ARHGAP15: variants seen among roughly 807,000 people sequenced by gnomAD.
ARHGAP15 encodes rho GTPase-activating protein 15.
A neutral mutation model predicts 63.7 loss-of-function variants in ARHGAP15; 51 were observed. The ratio of observed to expected loss-of-function variants is 0.80; its 90% CI spans 0.64 to 1.01. The LOEUF (loss-of-function observed/expected upper bound fraction) is 1.01, where lower values mean the gene tolerates loss of function less well. Among genes scored for constraint, ARHGAP15 ranks in the 50% least tolerant of loss-of-function variants. The pLI is 0.00. For synonymous variants in ARHGAP15, 191 were observed against 193.8 expected, an observed-to-expected ratio of 0.99 and a Z score of 0.12; for missense variants, 560 against 564.6, an observed-to-expected ratio of 0.99 and a Z score of 0.08.
chr2:143,449,870 TTTCTC>T lies in ARHGAP15; in HGVS notation c.703+12829_703+12833del, dbSNP rs1246676107. Among the ~76,000 whole-genome samples, 6 of 152,104 alleles carry T rather than the reference TTTCTC, an allele frequency of 3.9e-5. No homozygotes were observed. In the South Asian group the frequency reaches 1.0e-3, roughly 26 times the overall value. On this transcript the variant is annotated intron_variant, in intron 8 of 13. Transcript: ENST00000295095. ...ACCAAAATGGGCAAATAATCATTCTTTTCTCAGTAAGAATCTTTCTCATAAATTTG... is the reference window on the plus strand; with the variant it reads ...ACCAAAATGGGCAAATAATCATTCTTAGTAAGAATCTTTCTCATAAATTTG...
intron 5 of ARHGAP15, among the ~76,000 whole-genome samples, chr2:143,232,695 T>C (rs1693494439): frequency 1.3e-5 from 2 of 152,140 alleles, no homozygotes; most frequent in South Asian, 4.1e-4. Context: ...CCTCTTCCCT[T>C]CTCTGGAGTT....
At chr2:143,618,863 G>C (rs1029766615) in intron 11 of ARHGAP15, among the ~76,000 whole-genome samples, 1 of 150,818 alleles carries the variant, frequency 6.6e-6, no homozygotes, top group Non-Finnish European at 1.5e-5. Flanking sequence ...ACGGAGTCTC[G>C]CTCCGTCACC....
chr2:143,705,368 TAGAA>T (rs775326623), intron 13 of ARHGAP15, among the ~76,000 whole-genome samples: 6 of 152,088 alleles, frequency 3.9e-5, no homozygotes, highest in Non-Finnish European at 8.8e-5. Context: ...TTTAAAGAAA[TAGAA>T]AGAGAGACCT....
intron 6 of ARHGAP15, among the ~76,000 whole-genome samples, chr2:143,334,412 T>C (rs769865199): frequency 1.4e-4 from 21 of 152,208 alleles, no homozygotes; most frequent in Admixed American, 3.9e-4. Context: ...AAGGTATCCA[T>C]TGTTAGATGC....
At chr2:143,294,269 C>T (rs936346622) in intron 6 of ARHGAP15, among the ~76,000 whole-genome samples, 13 of 151,990 alleles carry the variant, frequency 8.6e-5, no homozygotes, top group African/African-American at 1.7e-4. Context: ...GAAAATATTG[C>T]CACATGCATT....
intron 4 of ARHGAP15, among the ~76,000 whole-genome samples, chr2:143,220,854 C>T (rs1230854445): frequency 6.6e-6 from 1 of 152,120 alleles, no homozygotes; most frequent in African/African-American, 2.4e-5. Context: ...CTCTGTCAAG[C>T]ACTTGGCTGA....
intron 13 of ARHGAP15, among the ~76,000 whole-genome samples, chr2:143,737,254 C>T (rs138751091): frequency 7.9e-4 from 121 of 152,354 alleles, no homozygotes; most frequent in African/African-American, 2.7e-3. Context: ...CAGTCTCCTG[C>T]ATTCTCTTCA....
At chr2:143,185,521 A>G (rs1397402090) in intron 2 of ARHGAP15, among the ~76,000 whole-genome samples, 2 of 152,122 alleles carry the variant, frequency 1.3e-5, no homozygotes, top group African/African-American at 4.8e-5. Flanking sequence ...TGCTACCCCA[A>G]TCCTATAATT....
intron 6 of ARHGAP15, among the ~76,000 whole-genome samples, chr2:143,346,222 A>T (rs28683750): frequency 1.7e-4 from 20 of 120,710 alleles, no homozygotes; most frequent in South Asian, 2.6e-4. Flanking sequence ...ACTCTCTCTC[A>T]CACACACTCT....
At chr2:143,273,411 A>C (rs979893148) in intron 6 of ARHGAP15, among the ~76,000 whole-genome samples, 1 of 152,142 alleles carries the variant, frequency 6.6e-6, no homozygotes, top group African/African-American at 2.4e-5. Context: ...AGTTGAAAAT[A>C]TCTTAAGTTA....
At chr2:143,618,166 C>T (rs142723406) in intron 11 of ARHGAP15, among the ~76,000 whole-genome samples, 77 of 152,330 alleles carry the variant, frequency 5.1e-4, no homozygotes, top group Non-Finnish European at 8.2e-4. Context: ...CAGGAGCCAG[C>T]ACAGCAAGAA....
intron 11 of ARHGAP15, among the ~76,000 whole-genome samples, chr2:143,604,539 A>T (rs547866127): frequency 6.6e-6 from 1 of 152,346 alleles, no homozygotes; most frequent in Admixed American, 6.5e-5. Flanking sequence ...ATATGAATTT[A>T]TTTATACAAG....
chr2:143,496,367 C>T (rs1320490333), intron 9 of ARHGAP15, among the ~76,000 whole-genome samples: 1 of 152,104 alleles, frequency 6.6e-6, no homozygotes. Flanking sequence ...AGCAGAATAG[C>T]TTTGGAGCAA....
Position 143,286,903 on chromosome 2 carries a change from A to G in ARHGAP15, c.474+36303A>G, listed in dbSNP as rs949848629. Among the ~76,000 whole-genome samples, 4 of 152,308 alleles carry G rather than the reference A, an allele frequency of 2.6e-5. No individual in the cohort carries two copies. In the East Asian group the frequency reaches 5.8e-4, roughly 22 times the overall value. ...TTTCTAAACCACGAACTTATACGGC[A>G]TGTTACGGCATTGATCTTATGGGAT... On this transcript the variant is annotated intron_variant, in intron 6 of 13. Coordinates refer to ENST00000295095, the MANE Select transcript of ARHGAP15 (RefSeq NM_018460.4).
chr2:143,161,610 C>T (rs545737148), intron 2 of ARHGAP15, among the ~76,000 whole-genome samples: 237 of 151,972 alleles, frequency 1.6e-3, no homozygotes, highest in African/African-American at 5.5e-3. Context: ...TCAAGACTGA[C>T]AGATCAGGTG....
intron 9 of ARHGAP15, among the ~76,000 whole-genome samples, chr2:143,510,588 T>A (rs933286127): frequency 6.6e-6 from 1 of 152,220 alleles, no homozygotes; most frequent in Non-Finnish European, 1.5e-5. Flanking sequence ...ATAAATTCAT[T>A]GAATTCCTTC....
At chr2:143,399,960 T>A (rs1270400663) in intron 6 of ARHGAP15, among the ~76,000 whole-genome samples, 1 of 152,084 alleles carries the variant, frequency 6.6e-6, no homozygotes, top group Non-Finnish European at 1.5e-5. Context: ...TGTTGCAATT[T>A]GACTCCAGGC....
chr2:143,493,664 C>T (rs530905447), intron 9 of ARHGAP15, among the ~76,000 whole-genome samples: 2 of 152,294 alleles, frequency 1.3e-5, no homozygotes, highest in African/African-American at 2.4e-5. Flanking sequence ...TGAGTATCTT[C>T]TTCTAAAGTC....
At chr2:143,291,452 G>GTGC (rs1682396576) in intron 6 of ARHGAP15, among the ~76,000 whole-genome samples, 1 of 151,282 alleles carries the variant, frequency 6.6e-6, no homozygotes, top group Admixed American at 6.6e-5. Context: ...ATTTGTGTGT[G>GTGC]TTCTAATGCT....
Sources: allele counts gnomAD v4.1 joint callset (sites outside exome capture counted in the v4.1 genomes callset), GRCh38; gene constraint gnomAD v4.1.1; transcripts MANE v1.5; gene names NCBI Gene and HGNC (gene_info 2026-07-23, HGNC 2026-07-21).